Variants in RNF115 observed in about 807,000 individuals in gnomAD.
RNF115 encodes ring finger protein 115, also known as E3 ubiquitin-protein ligase RNF115.
Under a neutral mutation model 39.2 loss-of-function variants are expected in RNF115, and 31 were observed. The observed-to-expected ratio is 0.79, with a 90% CI of 0.59 to 1.07. RNF115 has a LOEUF of 1.07. Ranked by LOEUF, RNF115 falls within the 50% of genes least tolerant of loss-of-function variation. RNF115 has a pLI of 0.00. For synonymous variants in RNF115, 124 were observed against 131.0 expected (o/e 0.95, Z 0.37); for missense variants, 384 against 381.7 (o/e 1.01, Z -0.05).
chr1:145,751,116 T>C (rs1553712412), intron 6 of RNF115, among the ~76,000 whole-genome samples: 2 of 152,194 alleles, frequency 1.3e-5, no homozygotes, highest in African/African-American at 4.8e-5. Context: ...GAAACCCTCC[T>C]TTTTTTGTGA....
chr1:145,768,640 G>A (rs1647493537), intron 4 of RNF115, among the ~76,000 whole-genome samples: 2 of 152,142 alleles, frequency 1.3e-5, no homozygotes, highest in African/African-American at 4.8e-5. Context: ...TCTGTCTACA[G>A]TGAAACCCGT....
chr1:145,812,302 A>G (rs1412468572), intron 1 of RNF115, among the ~76,000 whole-genome samples: 1 of 150,326 alleles, frequency 6.7e-6, no homozygotes, highest in East Asian at 1.9e-4. Context: ...TTCCTGTGAC[A>G]CTTGTTCAAA....
At chr1:145,783,670 T>C (rs2318300) in intron 3 of RNF115, among the ~76,000 whole-genome samples, 6,940 of 152,248 alleles carry the variant, frequency 0.046, 548 homozygotes, top group African/African-American at 0.16. Flanking sequence ...ACAAGTTGTA[T>C]GGCAATATAG....
At chr1:145,780,346 C>T (rs1177511724) in intron 3 of RNF115, among the ~76,000 whole-genome samples, 3 of 152,080 alleles carry the variant, frequency 2.0e-5, no homozygotes, top group African/African-American at 4.8e-5. Flanking sequence ...CTCGGCCGGG[C>T]GCAGTGGCTC....
At chr1:145,792,336 CTT>C (rs1297649252) in intron 1 of RNF115, among the ~76,000 whole-genome samples, 2 of 151,324 alleles carry the variant, frequency 1.3e-5, no homozygotes, top group African/African-American at 4.9e-5. Context: ...CACTGAAACA[CTT>C]TTTTTCTAAA....
intron 3 of RNF115, among the ~76,000 whole-genome samples, chr1:145,774,688 C>T (rs1405540406): frequency 3.9e-5 from 6 of 152,172 alleles, no homozygotes; most frequent in Admixed American, 3.9e-4. Context: ...TGTTAAATCA[C>T]ACTGAGTTTA....
At chr1:145,766,162 C>A (rs1167943986) in intron 4 of RNF115, among the ~76,000 whole-genome samples, 1 of 152,104 alleles carries the variant, frequency 6.6e-6, no homozygotes, top group Non-Finnish European at 1.5e-5. Flanking sequence ...TGTTTGTGTC[C>A]CTGGGTACTT....
rs1657811671 is a variant in RNF115, at chr1:145,744,832, G to A, written c.*2034C>T. 6.6e-6 allele frequency: 1 copy of A among 152,098 alleles called. No individual in the cohort carries two copies. Among genetic ancestry groups the A allele is most frequent in the Non-Finnish European group, 1.5e-5 (1 of 68,020 alleles). The allele number at this position is 152,098 out of a possible 1,614,324, so 9.4% of individuals were successfully genotyped here. On this transcript the variant is annotated 3_prime_UTR_variant, in exon 9 of 9. Transcript: ENST00000582693. ...CATCATTTCCTTTTGAGACCTTGAA[G>A]TTTCAACAACATTCTTGACCTTCTT... is the stretch of plus-strand genomic sequence containing the variant.
chr1:145,808,303 T>A (rs9660098), intron 1 of RNF115, among the ~76,000 whole-genome samples: 2,746 of 152,296 alleles, frequency 0.018, 81 homozygotes, highest in Admixed American at 0.09. Context: ...TACATTCTCA[T>A]CAACAGTGTT....
intron 1 of RNF115, among the ~76,000 whole-genome samples, chr1:145,820,602 G>A (rs1650192632): frequency 6.6e-6 from 1 of 151,980 alleles, no homozygotes; most frequent in African/African-American, 2.4e-5. Flanking sequence ...TGGGCATGGT[G>A]GCACGTGCCT....
At chr1:145,781,307 T>C (rs587635679) in intron 3 of RNF115, among the ~76,000 whole-genome samples, 10 of 152,210 alleles carry the variant, frequency 6.6e-5, no homozygotes, top group Admixed American at 5.2e-4. Context: ...TAAAGAAAAA[T>C]AGAGCAAAAC....
rs1461090918 is a variant in RNF115, at chr1:145,760,427, T to A, written c.429-7378A>T. Among the ~76,000 whole-genome samples, 3 of 152,154 alleles carry A rather than the reference T, an allele frequency of 2.0e-5. No homozygotes were observed. The East Asian group carries it at 5.8e-4, about 29-fold the overall frequency. On this transcript the variant is annotated intron_variant, in intron 4 of 8. Coordinates refer to ENST00000582693, the MANE Select transcript of RNF115 (RefSeq NM_014455.4). Reference sequence around the variant, plus strand: ...GTCTCCACCCAAATCTCAGCTTGAATTGTATCTCCCAGAATTCCCACATGC... The same window carrying A: ...GTCTCCACCCAAATCTCAGCTTGAAATGTATCTCCCAGAATTCCCACATGC...
chr1:145,819,893 C>A (rs1469926195), intron 1 of RNF115, among the ~76,000 whole-genome samples: 61 of 152,122 alleles, frequency 4.0e-4, no homozygotes, highest in East Asian at 2.1e-3. Flanking sequence ...CAAAAATTAG[C>A]CAGGTCTAGT....
chr1:145,757,342 AG>A (rs1658340747), intron 4 of RNF115, among the ~76,000 whole-genome samples: 1 of 152,202 alleles, frequency 6.6e-6, no homozygotes, highest in Non-Finnish European at 1.5e-5. Flanking sequence ...CAGCAATCCC[AG>A]CAGAAACCCA....
chr1:145,756,804 C>CTGGGTTCA (rs1658310405), intron 4 of RNF115, among the ~76,000 whole-genome samples: 1 of 142,150 alleles, frequency 7.0e-6, no homozygotes, highest in Non-Finnish European at 1.5e-5. Context: ...CTTCTGTCTT[C>CTGGGTTCA]TGTGTTCATG....
chr1:145,788,197 T>G (rs1330061051), intron 2 of RNF115, among the ~76,000 whole-genome samples: 2 of 152,092 alleles, frequency 1.3e-5, no homozygotes, highest in East Asian at 3.9e-4. Context: ...TTCTCCTGCC[T>G]CAGCCTCCCA....
intron 1 of RNF115, among the ~76,000 whole-genome samples, chr1:145,799,359 G>A (rs1649125053): frequency 6.6e-6 from 1 of 151,920 alleles, no homozygotes; most frequent in Non-Finnish European, 1.5e-5. Context: ...AGCCACTGCA[G>A]CCAGCTTCCG....
At chr1:145,785,950 T>A (rs781816362) in intron 2 of RNF115, among the ~76,000 whole-genome samples, 2 of 152,202 alleles carry the variant, frequency 1.3e-5, no homozygotes, top group Non-Finnish European at 2.9e-5. Context: ...CATAAAAAAC[T>A]ACATTGAGTG....
At chr1:145,750,621 G>A in intron 6 of RNF115, 121 bp from the exon 7 acceptor site, 2 of 709,302 alleles carry the variant, frequency 2.8e-6, no homozygotes, top group Non-Finnish European at 4.8e-6. Flanking sequence ...TCTTACTTCT[G>A]CAAGGCTCTG....
Sources: allele counts gnomAD v4.1 joint callset (sites outside exome capture counted in the v4.1 genomes callset), GRCh38; gene constraint gnomAD v4.1.1; transcripts MANE v1.5; gene names NCBI Gene and HGNC (gene_info 2026-07-23, HGNC 2026-07-21).